ERO1B: variants seen among roughly 807,000 people sequenced by gnomAD.
ERO1B encodes ERO1-like protein beta.
In ERO1B, 49 loss-of-function variants were observed where a neutral mutation model predicts 75.3. The observed-to-expected ratio is 0.65, with a 90% CI of 0.52 to 0.83. The LOEUF is 0.83. Ranked by LOEUF, ERO1B falls within the 40% of genes least tolerant of loss-of-function variation. The probability of loss-of-function intolerance (pLI) is 0.00; values close to 1 mark genes in which losing one functional copy is unlikely to be tolerated. For synonymous variants in ERO1B, 191 were observed against 192.9 expected, an observed-to-expected ratio of 0.99 and a Z score of 0.08; for missense variants, 512 against 560.1, an observed-to-expected ratio of 0.91 and a Z score of 0.87.
intron 6 of ERO1B, among the ~76,000 whole-genome samples, chr1:236,240,414 C>T (rs1383213998): frequency 3.3e-5 from 5 of 152,202 alleles, no homozygotes; most frequent in African/African-American, 9.6e-5. Flanking sequence ...GTATTATAGA[C>T]TCAGGATTAA....
intron 1 of ERO1B, among the ~76,000 whole-genome samples, chr1:236,278,790 T>A (rs1015447688): frequency 2.0e-5 from 3 of 152,250 alleles, no homozygotes; most frequent in Admixed American, 2.0e-4. Flanking sequence ...GGGCATGAGA[T>A]ATACAAACAC....
At chr1:236,234,657 G>A (rs528555597) in intron 8 of ERO1B, among the ~76,000 whole-genome samples, 2 of 152,318 alleles carry the variant, frequency 1.3e-5, no homozygotes, top group South Asian at 2.1e-4. Flanking sequence ...TTGCCACATT[G>A]TGACAGAGTG....
Position 236,244,407 on chromosome 1 carries a change from T to C in ERO1B, c.432-912A>G, listed in dbSNP as rs138060841. ...TTTTCCAGTTCAACTTACTGTGGAA[T>C]TTTTTTCCCTATGGGAGTATATAAT... On this transcript the variant is annotated intron_variant, in intron 5 of 15. Coordinates refer to ENST00000354619, the MANE Select transcript of ERO1B (RefSeq NM_019891.4). Among the ~76,000 whole-genome samples the C allele has an allele frequency of 2.9e-3, 449 of 152,270 alleles. 2 individuals carry two copies. Among genetic ancestry groups the C allele is most frequent in the African/African-American group, 9.8e-3 (409 of 41,558 alleles).
chr1:236,245,245 T>G (rs1664814231), intron 5 of ERO1B, among the ~76,000 whole-genome samples: 1 of 143,202 alleles, frequency 7.0e-6, no homozygotes, highest in Admixed American at 7.2e-5. Flanking sequence ...TCTGCTTGTC[T>G]TGGCCTCCCA....
At position 236,226,627 on chromosome 1, in the gene ERO1B, C is replaced by T; in HGVS notation, c.805+20G>A. On this transcript the variant is annotated intron_variant, in intron 11 of 15. Coordinates refer to ENST00000354619, the MANE Select transcript of ERO1B (RefSeq NM_019891.4). Reference sequence around the variant, plus strand: ...TTTACACTAATAGAAGGCAAAATCTCGACTTAAAAATATGATTACCTTCCA... The same window carrying T: ...TTTACACTAATAGAAGGCAAAATCTTGACTTAAAAATATGATTACCTTCCA... 5 of 1,601,688 alleles carry T rather than the reference C, an allele frequency of 3.1e-6. No individual in the cohort carries two copies. The highest frequency in any genetic ancestry group is 2.3e-5 in the South Asian group (2 of 87,662).
chr1:236,218,738 G>C (rs1173373874), intron 15 of ERO1B, among the ~76,000 whole-genome samples, 162 bp from the exon 16 acceptor site: 3 of 152,106 alleles, frequency 2.0e-5, no homozygotes, highest in Non-Finnish European at 4.4e-5. Flanking sequence ...ATTAAGACTG[G>C]TTTAGAAGGG....
chr1:236,256,571 T>TC (rs1665165933), intron 2 of ERO1B, among the ~76,000 whole-genome samples: 1 of 152,164 alleles, frequency 6.6e-6, no homozygotes, highest in Admixed American at 6.5e-5. Context: ...AAGTCAGCAC[T>TC]CCCTGTGCCT....
intron 15 of ERO1B, among the ~76,000 whole-genome samples, chr1:236,219,602 T>C (rs1357323634): frequency 6.6e-6 from 1 of 152,182 alleles, no homozygotes; most frequent in African/African-American, 2.4e-5. Context: ...GCCTCATAAG[T>C]GGATGGACTG....
chr1:236,221,891 T>C, intron 14 of ERO1B, 33 bp downstream of exon 14: 3 of 1,526,790 alleles, frequency 2.0e-6, no homozygotes, highest in Non-Finnish European at 2.7e-6. Context: ...TAAAGGTTAG[T>C]AATGGCTTCA....
At position 236,217,708 on chromosome 1, in the gene ERO1B, A is replaced by G. The variant is rs1664028316; in HGVS notation, c.*808T>C. 6.6e-6 allele frequency: 1 copy of G among 152,516 alleles called. No homozygotes were observed. Among genetic ancestry groups the G allele is most frequent in the Admixed American group, 6.6e-5 (1 of 15,260 alleles). 9.4% of individuals were successfully genotyped at this position (152,516 alleles called of 1,614,324 possible). On this transcript the variant is annotated 3_prime_UTR_variant, in exon 16 of 16. Coordinates refer to ENST00000354619, the MANE Select transcript of ERO1B (RefSeq NM_019891.4). ...CTAAAAGTAACTGACAATTTCCAAAATGTCTTTGTCCCTAAAATTTCTAGG... is the reference window on the plus strand; with the variant it reads ...CTAAAAGTAACTGACAATTTCCAAAGTGTCTTTGTCCCTAAAATTTCTAGG...
Position 236,269,976 on chromosome 1 carries a change from C to G in ERO1B, c.121G>C (p.Asp41His), listed in dbSNP as rs755629058. Reference protein sequence around the residue: ...VEAQVTGVLDDCLCDIDSIDN... With the variant: ...VEAQVTGVLDHCLCDIDSIDN... ...ATGCTGTCAATATCACACAAGCAATCATCCAGAACTCCAGTGACCTAGAAT... is the reference window on the plus strand; with the variant it reads ...ATGCTGTCAATATCACACAAGCAATGATCCAGAACTCCAGTGACCTAGAAT... Residue 41 changes from aspartate to histidine, a missense_variant, in exon 2 of 16, where the codon GAT (aspartate) becomes CAT (histidine). By Grantham distance (81) the Asp-to-His change is moderately conservative. Coordinates refer to ENST00000354619, the MANE Select transcript of ERO1B (RefSeq NM_019891.4). 6.3e-7 allele frequency: 1 copy of G among 1,599,028 alleles called. No homozygotes were observed. The highest frequency in any genetic ancestry group is 8.6e-7 in the Non-Finnish European group (1 of 1,168,750).
chr1:236,274,094 G>A (rs747486650), intron 1 of ERO1B, among the ~76,000 whole-genome samples: 11 of 149,024 alleles, frequency 7.4e-5, no homozygotes, highest in Non-Finnish European at 1.2e-4. Flanking sequence ...AGTGATTCTC[G>A]TGCCTCAGCC....
At position 236,217,773 on chromosome 1, in the gene ERO1B, G is replaced by GAACACT. The variant is rs1272446161; in HGVS notation, c.*737_*742dup. ...AAATCAAAAGGAGTTCTAAGTAAAA[G>GAACACT]AACACTCTTGGGCCAGCCCATTACA... is the stretch of plus-strand genomic sequence containing the variant. On this transcript the variant is annotated 3_prime_UTR_variant, in exon 16 of 16. Transcript: ENST00000354619. 1.3e-5 allele frequency: 2 copies of GAACACT among 152,272 alleles called. No homozygotes were observed. Among genetic ancestry groups the GAACACT allele is most frequent in the East Asian group, 3.9e-4 (2 of 5,180 alleles). 9.4% of individuals were successfully genotyped at this position (152,272 alleles called of 1,614,324 possible).
chr1:236,228,132 A>T (rs903435450), intron 10 of ERO1B, among the ~76,000 whole-genome samples: 2 of 152,186 alleles, frequency 1.3e-5, no homozygotes, highest in Non-Finnish European at 2.9e-5. Context: ...GATAAAGACA[A>T]GAGAAGGGAC....
intron 2 of ERO1B, among the ~76,000 whole-genome samples, chr1:236,254,021 G>A (rs1174716717): frequency 6.6e-6 from 1 of 152,170 alleles, no homozygotes; most frequent in Non-Finnish European, 1.5e-5. Flanking sequence ...TTTTAGGATG[G>A]AGGAAGTGTG....
chr1:236,268,393 T>G (rs1408623317), intron 2 of ERO1B, among the ~76,000 whole-genome samples: 1 of 151,500 alleles, frequency 6.6e-6, no homozygotes, highest in Non-Finnish European at 1.5e-5. Flanking sequence ...TGAACTGAGA[T>G]GGAGCCACTG....
At position 236,226,630 on chromosome 1, in the gene ERO1B, C is replaced by A. The variant is rs1267385220; in HGVS notation, c.805+17G>T. ...ACACTAATAGAAGGCAAAATCTCGA[C>A]TTAAAAATATGATTACCTTCCAAAA... On this transcript the variant is annotated intron_variant, in intron 11 of 15. Coordinates refer to ENST00000354619, the MANE Select transcript of ERO1B (RefSeq NM_019891.4). 6.2e-6 allele frequency: 10 copies of A among 1,603,674 alleles called. No individual in the cohort carries two copies. The highest frequency in any genetic ancestry group is 8.5e-6 in the Non-Finnish European group (10 of 1,177,222).
chr1:236,230,589 G>A (rs1422096327), intron 9 of ERO1B, among the ~76,000 whole-genome samples: 1 of 130,748 alleles, frequency 7.6e-6, no homozygotes, highest in African/African-American at 2.8e-5. Flanking sequence ...TCCAGCCTGG[G>A]TGACAGAGTG....
At chr1:236,247,048 C>T (rs1206747203) in intron 5 of ERO1B, among the ~76,000 whole-genome samples, 1 of 152,088 alleles carries the variant, frequency 6.6e-6, no homozygotes, top group Non-Finnish European at 1.5e-5. Context: ...AAAAAAATGA[C>T]AAAGAATATA....
Sources: gnomAD v4.1 joint callset for allele counts (sites outside exome capture counted in the v4.1 genomes callset) on GRCh38, gnomAD v4.1.1 for gene constraint, MANE v1.5 for transcripts, NCBI Gene and HGNC (gene_info 2026-07-23, HGNC 2026-07-21) for gene names.